Variants in PPIB observed in about 807,000 individuals in gnomAD.
PPIB encodes the protein peptidyl-prolyl cis-trans isomerase B.
A neutral mutation model predicts 20.1 loss-of-function variants in PPIB; 15 were observed. The observed-to-expected ratio is 0.75, with a 90% CI of 0.50 to 1.15. The LOEUF (loss-of-function observed/expected upper bound fraction) is 1.15, where lower values mean the gene tolerates loss of function less well. Among genes scored for constraint, PPIB ranks in the 50% most tolerant of loss-of-function variants. The probability of loss-of-function intolerance (pLI) is 0.00; values close to 1 mark genes in which losing one functional copy is unlikely to be tolerated. For missense variants in PPIB, 278 were observed against 283.0 expected (o/e 0.98, Z 0.13); for synonymous variants, 129 against 111.0 (o/e 1.16, Z -1.02).
chr15:64,161,030 G>A lies in PPIB; in HGVS notation c.250-833C>T, dbSNP rs918077197. 6.7e-6 allele frequency among the ~76,000 whole-genome samples: 1 copy of A among 149,766 alleles called. No individual in the cohort carries two copies. Among genetic ancestry groups the A allele is most frequent in the South Asian group, 2.1e-4 (1 of 4,682 alleles). ...GGCTAGAGTGCAGTGGGGCAATCTC[G>A]GCTCACTGCAACCTCCACCTCCTGG... On this transcript the variant is annotated intron_variant, in intron 2 of 4. Transcript: ENST00000300026. The surrounding 1 kb of genome is among the most constrained non-coding windows in gnomAD (Gnocchi z 4.2).
Position 64,156,568 on chromosome 15 carries a change from T to C in PPIB, c.528+157A>G. 1 of 936,782 alleles carries C rather than the reference T, an allele frequency of 1.1e-6. No homozygotes were observed. The highest frequency in any genetic ancestry group is 2.4e-5 in the East Asian group (1 of 41,636). The allele number at this position is 936,782 out of a possible 1,614,324, so 58.0% of individuals were successfully genotyped here. On this transcript the variant is annotated intron_variant, in intron 4 of 4. Transcript: ENST00000300026. The surrounding 1 kb of genome is among the most constrained non-coding windows in gnomAD (Gnocchi z 6.4). ...GGAAGAATTTAGAACCTTGGAGGCA[T>C]GGAGGTACAGGGTTTATTCTGGACA...
intron 1 of PPIB, 92 bp downstream of exon 1, chr15:64,162,760 A>G (rs1481746923): frequency 1.9e-6 from 3 of 1,547,758 alleles, no homozygotes; most frequent in Non-Finnish European, 2.6e-6. Flanking sequence ...GGCCACAGAC[A>G]GAAGCCGAGG....
rs1189361180 is a variant in PPIB at position 64,162,810 on chromosome 15, G to T, written c.135+42C>A. 5 of 1,598,016 alleles carry T rather than the reference G, an allele frequency of 3.1e-6. No homozygotes were observed. The African/African-American group carries it at 5.4e-5, about 17-fold the overall frequency. On this transcript the variant is annotated intron_variant, in intron 1 of 4. Coordinates refer to ENST00000300026, the MANE Select transcript of PPIB (RefSeq NM_000942.5). ...CCAAGGCCAAGCCAAGGCCGCCCGGGCCCGAGCTCCGGCACCGTAAATGCC... is the reference window on the plus strand; with the variant it reads ...CCAAGGCCAAGCCAAGGCCGCCCGGTCCCGAGCTCCGGCACCGTAAATGCC...
chr15:64,155,920 C>T lies in PPIB; in HGVS notation c.*103G>A. Reference sequence around the variant, plus strand: ...CCTGTGGAATGTGAGGGGAGTGGGTCCGCTCCACCAGATGCCAGCACCGGG... The same window carrying T: ...CCTGTGGAATGTGAGGGGAGTGGGTTCGCTCCACCAGATGCCAGCACCGGG... On this transcript the variant is annotated 3_prime_UTR_variant, in exon 5 of 5. Coordinates refer to ENST00000300026, the MANE Select transcript of PPIB (RefSeq NM_000942.5). 1 of 1,569,962 alleles carries T rather than the reference C, an allele frequency of 6.4e-7. No individual in the cohort carries two copies. The highest frequency in any genetic ancestry group is 8.7e-7 in the Non-Finnish European group (1 of 1,146,850).
Position 64,156,226 on chromosome 15 carries a change from C to T in PPIB, c.529-81G>A, listed in dbSNP as rs2081530473. On this transcript the variant is annotated intron_variant, in intron 4 of 4. Coordinates refer to ENST00000300026, the MANE Select transcript of PPIB (RefSeq NM_000942.5). This position sits in a 1 kb window ranked among gnomAD's most constrained non-coding sequence, Gnocchi z 6.4. ...AGGAGAAAGGCCCCAGCGTATGGCTCAGGAGGGCTAAGACCCACAAGTGAT... is the reference window on the plus strand; with the variant it reads ...AGGAGAAAGGCCCCAGCGTATGGCTTAGGAGGGCTAAGACCCACAAGTGAT... 2 of 1,568,090 alleles carry T rather than the reference C, an allele frequency of 1.3e-6. No homozygotes were observed. Among genetic ancestry groups the T allele is most frequent in the Admixed American group, 1.8e-5 (1 of 56,082 alleles).
In PPIB at chr15:64,162,983, G is replaced by C. The variant is rs761575765; in HGVS notation, c.4C>G (p.Leu2Val). MLRLSERNMKVL... is the reference protein window; with the variant it reads MVRLSERNMKVL... ...TTCATGTTGCGTTCGGAGAGGCGCA[G>C]CATCCACAGGCGGAGGCGAAAGCAG... The change falls in exon 1 of 5, where the codon CTG (leucine) becomes GTG (valine). Residue 2 changes from leucine (L) to valine (V), a missense_variant. Transcript: ENST00000300026. The C allele has an allele frequency of 1.2e-5, 20 of 1,612,326 alleles. No individual in the cohort carries two copies. The South Asian group carries it at 2.2e-4, about 18-fold the overall frequency.
intron 1 of PPIB, 148 bp downstream of exon 1, chr15:64,162,704 G>A (rs2081569530): frequency 7.5e-7 from 1 of 1,329,660 alleles, no homozygotes; most frequent in South Asian, 1.3e-5. Flanking sequence ...GGGTGGGTCC[G>A]GGTCGTTCCC....
Position 64,162,944 on chromosome 15 carries a change from C to T in PPIB, c.43G>A (p.Ala15Thr), listed in dbSNP as rs367853445. 14 of 1,613,486 alleles carry T rather than the reference C, an allele frequency of 8.7e-6. No individual in the cohort carries two copies. The African/African-American group carries it at 1.9e-4, about 22-fold the overall frequency. ...SERNMKVLLA[A>T]ALIAGSVFFL... Reference sequence around the variant, plus strand: ...AAGACGGACCCCGCGATGAGGGCGGCGGCAAGGAGCACCTTCATGTTGCGT... The same window carrying T: ...AAGACGGACCCCGCGATGAGGGCGGTGGCAAGGAGCACCTTCATGTTGCGT... Residue 15 changes from alanine to threonine, a missense_variant, in exon 1 of 5, where the codon GCC becomes ACC. Physicochemically the swap from Ala to Thr is moderately conservative, Grantham distance 58. Transcript: ENST00000300026.
At position 64,156,524 on chromosome 15, in the gene PPIB, G is replaced by T. The variant is rs2081532873; in HGVS notation, c.528+201C>A. 1 of 708,706 alleles carries T rather than the reference G, an allele frequency of 1.4e-6. No homozygotes were observed. Among genetic ancestry groups the T allele is most frequent in the Non-Finnish European group, 2.4e-6 (1 of 410,870 alleles). 43.9% of individuals were successfully genotyped at this position (708,706 alleles called of 1,614,324 possible). A position where few individuals can be genotyped will look rare whatever the true frequency, so the allele number is the denominator to read the frequency against. ...CTCTGGCAGTTGTGCAGCCTTCCTGGCTGGGCTCTGAGGGGGCTGGAAGAA... is the reference window on the plus strand; with the variant it reads ...CTCTGGCAGTTGTGCAGCCTTCCTGTCTGGGCTCTGAGGGGGCTGGAAGAA... On this transcript the variant is annotated intron_variant, in intron 4 of 4. Coordinates refer to ENST00000300026, the MANE Select transcript of PPIB (RefSeq NM_000942.5). The surrounding 1 kb of genome is among the most constrained non-coding windows in gnomAD (Gnocchi z 6.4).
chr15:64,159,042 C>A lies in PPIB; in HGVS notation c.343+1062G>T, dbSNP rs879297440. 2.6e-5 allele frequency among the ~76,000 whole-genome samples: 4 copies of A among 152,242 alleles called. No homozygotes were observed. Among genetic ancestry groups the A allele is most frequent in the African/African-American group, 4.8e-5 (2 of 41,458 alleles). The stretch of plus-strand genomic sequence containing the variant: ...TCACAAAACAAGAAGGTGGCAGACA[C>A]TGGATCGAGCCCAACTGCGTCTGAC... On this transcript the variant is annotated intron_variant, in intron 3 of 4. Transcript: ENST00000300026. The surrounding 1 kb of genome is among the most constrained non-coding windows in gnomAD (Gnocchi z 5.1).
Position 64,159,999 on chromosome 15 carries a change from T to A in PPIB, c.343+105A>T. On this transcript the variant is annotated intron_variant, in intron 3 of 4. Transcript: ENST00000300026. This position sits in a 1 kb window ranked among gnomAD's most constrained non-coding sequence, Gnocchi z 5.1. ...TAGGTAAGTAATAAGTAGGCCTGCC[T>A]CTAGAGCTGGGGAAGAAAGAGGCCT... The A allele has an allele frequency of 4.0e-6, 4 of 1,009,638 alleles. No homozygotes were observed. The highest frequency in any genetic ancestry group is 2.8e-4 in the Middle Eastern group (1 of 3,572). 62.5% of individuals were successfully genotyped at this position (1,009,638 alleles called of 1,614,324 possible). A position where few individuals can be genotyped will look rare whatever the true frequency, so the allele number is the denominator to read the frequency against.
Position 64,156,749 on chromosome 15 carries a change from C to T in PPIB, c.504G>A (p.Val168=), listed in dbSNP as rs2081534657. The part of the protein sequence containing the change: ...KTAWLDGKHV[V]FGKVLEGMEV... Reference sequence around the variant, plus strand: ...CCATGCCCTCTAGAACTTTGCCAAACACCACATGCTTGCCATCTAGCCAGG... The same window carrying T: ...CCATGCCCTCTAGAACTTTGCCAAATACCACATGCTTGCCATCTAGCCAGG... Residue 168 remains valine, a synonymous_variant, in exon 4 of 5, where the codon GTG becomes GTA. Transcript: ENST00000300026. The surrounding 1 kb of genome is among the most constrained non-coding windows in gnomAD (Gnocchi z 6.4). 2 of 1,614,198 alleles carry T rather than the reference C, an allele frequency of 1.2e-6. No homozygotes were observed. The highest frequency in any genetic ancestry group is 1.7e-5 in the Admixed American group (1 of 60,032).
At position 64,156,176 on chromosome 15, in the gene PPIB, T is replaced by C. The variant is rs779934719; in HGVS notation, c.529-31A>G. 1.2e-6 allele frequency: 2 copies of C among 1,613,346 alleles called. No individual in the cohort carries two copies. Among genetic ancestry groups the C allele is most frequent in the African/African-American group, 1.3e-5 (1 of 74,910 alleles). On this transcript the variant is annotated intron_variant, in intron 4 of 4. Coordinates refer to ENST00000300026, the MANE Select transcript of PPIB (RefSeq NM_000942.5). This position sits in a 1 kb window ranked among gnomAD's most constrained non-coding sequence, Gnocchi z 6.4. ...AAAGAAAGGTGGAAGCAGGAGGGCATGGTGGATCAGGAGGTCCACCGCTCA... is the reference window on the plus strand; with the variant it reads ...AAAGAAAGGTGGAAGCAGGAGGGCACGGTGGATCAGGAGGTCCACCGCTCA...
At position 64,155,922 on chromosome 15, in the gene PPIB, G is replaced by C; in HGVS notation, c.*101C>G. On this transcript the variant is annotated 3_prime_UTR_variant, in exon 5 of 5. Transcript: ENST00000300026. ...TGTGGAATGTGAGGGGAGTGGGTCC[G>C]CTCCACCAGATGCCAGCACCGGGGC... 6.4e-7 allele frequency: 1 copy of C among 1,573,606 alleles called. No individual in the cohort carries two copies. The highest frequency in any genetic ancestry group is 1.3e-5 in the African/African-American group (1 of 74,184).
rs2081532853 is a variant in PPIB, at chr15:64,156,521, C to T, written c.528+204G>A. ...AGGCTCTGGCAGTTGTGCAGCCTTC[C>T]TGGCTGGGCTCTGAGGGGGCTGGAA... On this transcript the variant is annotated intron_variant, in intron 4 of 4. Coordinates refer to ENST00000300026, the MANE Select transcript of PPIB (RefSeq NM_000942.5). The surrounding 1 kb of genome is among the most constrained non-coding windows in gnomAD (Gnocchi z 6.4). 1.4e-6 allele frequency: 1 copy of T among 700,920 alleles called. No homozygotes were observed. The highest frequency in any genetic ancestry group is 2.3e-5 in the Admixed American group (1 of 42,816). 43.4% of individuals were successfully genotyped at this position (700,920 alleles called of 1,614,324 possible).
chr15:64,162,486 TAC>T (rs1393601068), intron 1 of PPIB, among the ~76,000 whole-genome samples: 1 of 152,254 alleles, frequency 6.6e-6, no homozygotes, highest in Non-Finnish European at 1.5e-5. Context: ...GTTTGAAGTA[TAC>T]ATACTGTGCT....
In PPIB at chr15:64,156,468, G is replaced by A. The variant is rs754733890; in HGVS notation, c.528+257C>T. On this transcript the variant is annotated intron_variant, in intron 4 of 4. Transcript: ENST00000300026. The surrounding 1 kb of genome is among the most constrained non-coding windows in gnomAD (Gnocchi z 6.4). The stretch of plus-strand genomic sequence containing the variant: ...TCTGTATACCTCAGGGGTGGGACCA[G>A]CACGTCACTGAGTGAAGGAGGGGAG... The A allele has an allele frequency of 2.3e-5, 14 of 620,904 alleles. No homozygotes were observed. The highest frequency in any genetic ancestry group is 3.4e-5 in the Non-Finnish European group (12 of 350,474). 38.5% of individuals were successfully genotyped at this position (620,904 alleles called of 1,614,324 possible).
chr15:64,162,274 G>T, intron 1 of PPIB, 120 bp from the exon 2 acceptor site: 1 of 788,282 alleles, frequency 1.3e-6, no homozygotes. Context: ...TAGAGAAGTG[G>T]TTCTGAATCT....
rs202080377 is a variant in PPIB, at chr15:64,155,818, A to AT, written c.*204dup. ...CAAGAACCAGGCCCACACATTATAT[A>AT]TTAAAAAAAAAAAAACCCACATTTT... is the stretch of plus-strand genomic sequence containing the variant. On this transcript the variant is annotated 3_prime_UTR_variant, in exon 5 of 5. Coordinates refer to ENST00000300026, the MANE Select transcript of PPIB (RefSeq NM_000942.5). 32,130 of 511,490 alleles carry AT rather than the reference A, an allele frequency of 0.063. 391 individuals are homozygous for AT. The highest frequency in any genetic ancestry group is 0.096 in the Middle Eastern group (185 of 1,930). 31.7% of individuals were successfully genotyped at this position (511,490 alleles called of 1,614,324 possible).
Sources: allele counts gnomAD v4.1 joint callset (sites outside exome capture counted in the v4.1 genomes callset), GRCh38; gene constraint gnomAD v4.1.1; non-coding constraint Gnocchi (gnomAD v3.1); transcripts MANE v1.5; gene names NCBI Gene and HGNC (gene_info 2026-07-23, HGNC 2026-07-21).